BRAF: variants seen among roughly 807,000 people sequenced by gnomAD.
BRAF encodes serine/threonine-protein kinase B-raf.
BRAF carries 16 observed loss-of-function variants against 104.6 expected under a neutral mutation model. The ratio of observed to expected loss-of-function variants is 0.15; its 90% CI spans 0.10 to 0.23. The LOEUF (loss-of-function observed/expected upper bound fraction) is 0.23. BRAF is among the 10% of genes least tolerant of loss of function. The probability of loss-of-function intolerance (pLI) is 1.00; values close to 1 mark genes in which losing one functional copy is unlikely to be tolerated. For synonymous variants in BRAF, 310 were observed against 341.6 expected, an observed-to-expected ratio of 0.91 and a Z score of 1.02; for missense variants, 541 against 937.3, an observed-to-expected ratio of 0.58 and a Z score of 5.52.
chr7:140,795,651 C>T (rs1802420551), intron 7 of BRAF, among the ~76,000 whole-genome samples: 1 of 152,148 alleles, frequency 6.6e-6, no homozygotes, highest in Non-Finnish European at 1.5e-5. Context: ...ATCTGAACCA[C>T]ACCAGTTCAC....
intron 14 of BRAF, among the ~76,000 whole-genome samples, chr7:140,770,943 A>C (rs1201044281): frequency 5.9e-5 from 9 of 151,796 alleles, no homozygotes; most frequent in Admixed American, 2.6e-4. Context: ...AAAAAAAAAA[A>C]AAAAACCAAA....
chr7:140,792,864 C>T (rs990902721), intron 8 of BRAF, among the ~76,000 whole-genome samples: 6 of 152,088 alleles, frequency 3.9e-5, no homozygotes, highest in African/African-American at 1.4e-4. Flanking sequence ...TTGCACTTTA[C>T]CTTGTAATCA....
At chr7:140,890,539 A>G (rs1814102584) in intron 1 of BRAF, among the ~76,000 whole-genome samples, 2 of 152,112 alleles carry the variant, frequency 1.3e-5, no homozygotes, top group Non-Finnish European at 2.9e-5. Flanking sequence ...CTGTTCTTCA[A>G]TGATTTAGTA....
intron 7 of BRAF, chr7:140,800,085 A>G: frequency 6.4e-6 from 3 of 472,116 alleles, no homozygotes; most frequent in Non-Finnish European, 1.2e-5. Context: ...AGGAGATCCA[A>G]AAGAAAGCAG....
In BRAF at chr7:140,869,650, G is replaced by GA. The variant is rs1334117440; in HGVS notation, c.139-19439dup. 3.8e-3 allele frequency among the ~76,000 whole-genome samples: 543 copies of GA among 144,480 alleles called. 6 individuals are homozygous for GA. Among genetic ancestry groups the GA allele is most frequent in the African/African-American group, 0.013 (502 of 40,092 alleles). 94.8% of individuals were successfully genotyped at this position (144,480 alleles called of 152,430 possible). A position where few individuals can be genotyped will look rare whatever the true frequency, so the allele number is the denominator to read the frequency against. On this transcript the variant is annotated intron_variant, in intron 1 of 19. Transcript: ENST00000644969. ...TCTGTCTCAAACAAAAAAAAAAAAA[G>GA]AAAAAAAAATCACTGTTGTCCAGAT...
chr7:140,805,455 A>G (rs1314366093), intron 5 of BRAF, among the ~76,000 whole-genome samples: 3 of 152,210 alleles, frequency 2.0e-5, no homozygotes, highest in Non-Finnish European at 4.4e-5. Flanking sequence ...GCATTTGATC[A>G]TAAATTTTAA....
In BRAF at chr7:140,808,351, CAAA is replaced by C. The variant is rs35843886; in HGVS notation, c.609-292_609-290del. 0.064 allele frequency: 12,264 copies of C among 190,242 alleles called. No homozygotes were observed. The highest frequency in any genetic ancestry group is 0.078 in the South Asian group (2,302 of 29,566). 11.8% of individuals were successfully genotyped at this position (190,242 alleles called of 1,614,324 possible). On this transcript the variant is annotated intron_variant, in intron 4 of 19. Coordinates refer to ENST00000644969, the MANE Select transcript of BRAF (RefSeq NM_001374258.1). Reference sequence around the variant, plus strand: ...CAGAAAATGGATTGTTCCTGGGGTCCAAAAAAAAAAAAAAAAAAAAAAAAAATC... The same window carrying C: ...CAGAAAATGGATTGTTCCTGGGGTCCAAAAAAAAAAAAAAAAAAAAAAATC...
At chr7:140,860,465 GAAAAAAAAA>G (rs746617365) in intron 1 of BRAF, among the ~76,000 whole-genome samples, 2 of 62,164 alleles carry the variant, frequency 3.2e-5, no homozygotes, top group East Asian at 4.3e-4. Context: ...CCCATCTCTA[GAAAAAAAAA>G]AAAAAAAGAA....
rs397516889 is a variant in BRAF at position 140,781,661 on chromosome 7, A to G, written c.1467T>C (p.Asp489=). The stretch of plus-strand genomic sequence containing the variant: ...TAATCTGCCCATCAGGAATCTCCCA[A>G]TCATCACTCGAGTCCCGTCTACCAA... ...KTLGRRDSSD[D]WEIPDGQITV... The change falls in exon 12 of 20, where the codon GAT becomes GAC. Residue 489 remains aspartate (D), a synonymous_variant. Transcript: ENST00000644969. The G allele has an allele frequency of 5.0e-6, 8 of 1,614,010 alleles. No individual in the cohort carries two copies. The highest frequency in any genetic ancestry group is 1.1e-5 in the South Asian group (1 of 91,078).
intron 1 of BRAF, among the ~76,000 whole-genome samples, chr7:140,875,625 G>A (rs184512225): frequency 7.9e-5 from 12 of 152,274 alleles, no homozygotes; most frequent in East Asian, 5.8e-4. Flanking sequence ...TGATCCACCC[G>A]CCTCGGCCTT....
intron 14 of BRAF, among the ~76,000 whole-genome samples, chr7:140,757,733 G>C (rs551512629): frequency 6.6e-6 from 1 of 152,024 alleles, no homozygotes; most frequent in African/African-American, 2.4e-5. Flanking sequence ...AGAGTCTTAC[G>C]TGAGAGCTGA....
chr7:140,771,705 C>T (rs1000382764), intron 14 of BRAF, among the ~76,000 whole-genome samples: 2 of 152,024 alleles, frequency 1.3e-5, no homozygotes, highest in Admixed American at 6.6e-5. Context: ...ATTTAAATAC[C>T]CTATAGCCTT....
intron 2 of BRAF, among the ~76,000 whole-genome samples, chr7:140,844,999 T>G (rs1179207795): frequency 6.6e-6 from 1 of 152,066 alleles, no homozygotes; most frequent in African/African-American, 2.4e-5. Context: ...AACTCACATT[T>G]CCTGATTTCA....
chr7:140,814,400 C>T (rs1804601355), intron 3 of BRAF, among the ~76,000 whole-genome samples: 1 of 152,184 alleles, frequency 6.6e-6, no homozygotes, highest in Non-Finnish European at 1.5e-5. Flanking sequence ...CATGGTGGCT[C>T]ATGCCTGTAA....
At chr7:140,754,267 G>A (rs2128999804) in intron 14 of BRAF, 34 bp from the exon 14 acceptor site, 3 of 1,602,868 alleles carry the variant, frequency 1.9e-6, no homozygotes, top group Middle Eastern at 3.3e-4. Context: ...ACCTGAGTAG[G>A]GCTAAAGGAC....
chr7:140,838,173 A>T (rs1430299600), intron 2 of BRAF, among the ~76,000 whole-genome samples: 2 of 152,128 alleles, frequency 1.3e-5, no homozygotes, highest in Non-Finnish European at 2.9e-5. Context: ...AACTCTAAAT[A>T]TTTTTCAAAA....
intron 3 of BRAF, among the ~76,000 whole-genome samples, chr7:140,813,899 A>G (rs1804551726): frequency 6.6e-6 from 1 of 152,054 alleles, no homozygotes; most frequent in Non-Finnish European, 1.5e-5. Flanking sequence ...ACACACACAC[A>G]CACACACACA....
At chr7:140,822,474 T>C (rs1032015166) in intron 3 of BRAF, 12 of 152,222 alleles carry the variant, frequency 7.9e-5, no homozygotes, top group African/African-American at 2.9e-4. Flanking sequence ...CAAATACAAA[T>C]CTGTTGTCAC....
intron 3 of BRAF, among the ~76,000 whole-genome samples, chr7:140,815,177 G>A (rs1019656450): frequency 4.8e-5 from 7 of 144,586 alleles, no homozygotes; most frequent in African/African-American, 1.3e-4. Context: ...TCGCTCTGTC[G>A]CCCAGGCTGC....
Sources: allele counts gnomAD v4.1 joint callset (sites outside exome capture counted in the v4.1 genomes callset), GRCh38; gene constraint gnomAD v4.1.1; transcripts MANE v1.5; gene names NCBI Gene and HGNC (gene_info 2026-07-23, HGNC 2026-07-21).